The following SP110 variants were observed in gnomAD, a reference collection of about 807,000 sequenced individuals.
SP110 encodes SP110 nuclear body protein.
SP110 carries 62 observed loss-of-function variants against 92.7 expected under a neutral mutation model. That is an observed-to-expected ratio of 0.67 (90% CI 0.55 to 0.83). The LOEUF (loss-of-function observed/expected upper bound fraction) is 0.83, where lower values mean the gene tolerates loss of function less well. Among genes scored for constraint, SP110 ranks in the 40% least tolerant of loss-of-function variants. The probability of loss-of-function intolerance (pLI) is 0.00; values close to 1 mark genes in which losing one functional copy is unlikely to be tolerated. For synonymous variants in SP110, 273 were observed against 305.3 expected, an observed-to-expected ratio of 0.89 and a Z score of 1.10; for missense variants, 793 against 863.9, an observed-to-expected ratio of 0.92 and a Z score of 1.03.
In SP110 at chr2:230,219,936, G is replaced by A; in HGVS notation, c.-64C>T. 1.0e-6 allele frequency: 1 copy of A among 985,618 alleles called. No homozygotes were observed. Among genetic ancestry groups the A allele is most frequent in the Non-Finnish European group, 1.2e-6 (1 of 829,950 alleles). 61.1% of individuals were successfully genotyped at this position (985,618 alleles called of 1,614,324 possible). A position where few individuals can be genotyped will look rare whatever the true frequency, so the allele number is the denominator to read the frequency against. ...GGCTGGGACAGGGATCACTCCTCAA[G>A]ATTGGGAGAGTTACAGGGAGATGCT... is the stretch of plus-strand genomic sequence containing the variant. On this transcript the variant is annotated 5_prime_UTR_variant, in exon 1 of 19. Coordinates refer to ENST00000258381, the MANE Select transcript of SP110 (RefSeq NM_080424.4).
At chr2:230,199,829 T>C (rs567807059) in intron 10 of SP110, among the ~76,000 whole-genome samples, 4 of 152,336 alleles carry the variant, frequency 2.6e-5, no homozygotes, top group South Asian at 4.1e-4. Flanking sequence ...CAATAGTGAA[T>C]TGACAAAGGT....
chr2:230,165,343 C>CA lies in SP110; in HGVS notation c.*3780dup, dbSNP rs2078296158. ...CACTTCAGTTGACTGAAAGGCAGAG[C>CA]AAAAAGGAAGTATGGAGAAGTCGTG... On this transcript the variant is annotated 3_prime_UTR_variant, in exon 19 of 19. Transcript: ENST00000258381. 1.4e-4 allele frequency among the ~76,000 whole-genome samples: 22 copies of CA among 152,170 alleles called. No individual in the cohort carries two copies. The South Asian group carries it at 4.6e-3, about 32-fold the overall frequency.
At chr2:230,224,260 G>A (rs909317674), upstream of SP110, among the ~76,000 whole-genome samples, 1 of 152,158 alleles carries the variant, frequency 6.6e-6, no homozygotes, top group African/African-American at 2.4e-5. Flanking sequence ...CCAGTTCATT[G>A]GTGTCCTGGG....
chr2:230,196,337 A>T (rs1453777051), intron 10 of SP110, among the ~76,000 whole-genome samples: 1 of 152,172 alleles, frequency 6.6e-6, no homozygotes, highest in East Asian at 1.9e-4. Flanking sequence ...AATTGCGGTG[A>T]ATCATACGTA....
chr2:230,223,500 T>C (rs946933446), upstream of SP110, among the ~76,000 whole-genome samples: 13 of 152,214 alleles, frequency 8.5e-5, no homozygotes, highest in African/African-American at 2.7e-4. Flanking sequence ...TTCTAAGAAA[T>C]TGACTTTTTG....
intron 1 of SP110, among the ~76,000 whole-genome samples, chr2:230,218,581 A>G (rs1467662407): frequency 6.6e-6 from 1 of 152,192 alleles, no homozygotes; most frequent in Non-Finnish European, 1.5e-5. Context: ...AGAACAATTC[A>G]TTATACAGCA....
At chr2:230,205,655 C>A (rs2043699743) in intron 8 of SP110, among the ~76,000 whole-genome samples, 1 of 152,138 alleles carries the variant, frequency 6.6e-6, no homozygotes, top group Non-Finnish European at 1.5e-5. Flanking sequence ...GTGCTCACTG[C>A]ATATTTGTTG....
In SP110 at chr2:230,172,864, G is replaced by T; in HGVS notation, c.1686C>A (p.Ile562=). 1.2e-6 allele frequency: 2 copies of T among 1,613,426 alleles called. No individual in the cohort carries two copies. Among genetic ancestry groups the T allele is most frequent in the East Asian group, 2.2e-5 (1 of 44,872 alleles). The change falls in exon 15 of 19, where the codon ATC becomes ATA. Residue 562 remains isoleucine, a synonymous_variant. Transcript: ENST00000258381. ...CPRVFHEDCH[I]PPVEAKRMLW... ...CTCACCTCTTGGCTTCCACAGGGGGGATGTGACAGTCCTCATGGAAGACTC... is the reference window on the plus strand; with the variant it reads ...CTCACCTCTTGGCTTCCACAGGGGGTATGTGACAGTCCTCATGGAAGACTC...
intron 3 of SP110, among the ~76,000 whole-genome samples, chr2:230,214,609 C>T (rs982377300): frequency 6.6e-6 from 1 of 152,246 alleles, no homozygotes; most frequent in African/African-American, 2.4e-5. Context: ...TCCTCCCTGG[C>T]TCTCCTTGTC....
At chr2:230,212,211 C>T (rs2044567049) in intron 5 of SP110, 136 bp downstream of exon 5, 1 of 716,272 alleles carries the variant, frequency 1.4e-6, no homozygotes, top group African/African-American at 1.8e-5. Context: ...GGTGAATTGG[C>T]CCCTTCTGTT....
chr2:230,177,421 T>C, intron 14 of SP110, 117 bp downstream of exon 14: 11 of 1,104,480 alleles, frequency 1.0e-5, no homozygotes, highest in Non-Finnish European at 1.5e-5. Flanking sequence ...AACATTTAAC[T>C]CCTTATAAAT....
intron 9 of SP110, 128 bp downstream of exon 9, chr2:230,202,451 C>A: frequency 3.6e-6 from 3 of 828,690 alleles, no homozygotes; most frequent in South Asian, 1.6e-5. Context: ...TTGTTATACC[C>A]CATCCTCATT....
intron 11 of SP110, 89 bp downstream of exon 11, chr2:230,185,905 G>T: frequency 8.9e-7 from 1 of 1,117,824 alleles, no homozygotes; most frequent in Non-Finnish European, 1.4e-6. Context: ...TTCTACTATT[G>T]ACTTTACATA....
At chr2:230,173,166 CA>C (rs2078496114) in intron 14 of SP110, 3 of 543,654 alleles carry the variant, frequency 5.5e-6, no homozygotes, top group Admixed American at 2.4e-5. Flanking sequence ...TGACCGCCGC[CA>C]CCAGGACTTT....
At chr2:230,185,242 C>T (rs1177284058) in intron 11 of SP110, among the ~76,000 whole-genome samples, 1 of 152,198 alleles carries the variant, frequency 6.6e-6, no homozygotes, top group Admixed American at 6.5e-5. Context: ...CTGAAAGTGG[C>T]TCTCTAACTT....
rs369764018 is a variant in SP110, at chr2:230,200,919, C to G, written c.1095G>C (p.Gln365His). The part of the protein sequence containing the change: ...TSEMNEGKRS[Q>H]KTPSTPRRVT... ...CCCTTCGTGGTGTACTAGGCGTCTTCTGGGACCTCTTTCCTTCATTCATTT... is the reference window on the plus strand; with the variant it reads ...CCCTTCGTGGTGTACTAGGCGTCTTGTGGGACCTCTTTCCTTCATTCATTT... Residue 365 changes from glutamine to histidine, a missense_variant, in exon 10 of 19, where the codon CAG becomes CAC. Gln to His is a conservative substitution (Grantham distance 24). Transcript: ENST00000258381. 2 of 1,613,876 alleles carry G rather than the reference C, an allele frequency of 1.2e-6. No individual in the cohort carries two copies. Among genetic ancestry groups the G allele is most frequent in the African/African-American group, 2.7e-5 (2 of 74,914 alleles).
At chr2:230,183,403 G>A (rs188989894) in intron 12 of SP110, among the ~76,000 whole-genome samples, 169 bp downstream of exon 12, 3 of 152,162 alleles carry the variant, frequency 2.0e-5, no homozygotes, top group Non-Finnish European at 4.4e-5. Context: ...AAGGGGGTGG[G>A]TTAGGCTGGC....
At chr2:230,199,445 G>A (rs953891596) in intron 10 of SP110, among the ~76,000 whole-genome samples, 14 of 151,786 alleles carry the variant, frequency 9.2e-5, no homozygotes, top group African/African-American at 3.4e-4. Flanking sequence ...CTGGCCTCAA[G>A]TGATTCACCT....
chr2:230,172,445 C>A, intron 15 of SP110: 1 of 561,146 alleles, frequency 1.8e-6, no homozygotes, highest in Admixed American at 3.1e-5. Flanking sequence ...CACAAAGGAA[C>A]CCTGCCTGCC....
Sources: allele counts gnomAD v4.1 joint callset (sites outside exome capture counted in the v4.1 genomes callset), GRCh38; gene constraint gnomAD v4.1.1; transcripts MANE v1.5; gene names NCBI Gene and HGNC (gene_info 2026-07-23, HGNC 2026-07-21).